The following MN1 variants were observed in gnomAD, a reference collection of about 807,000 sequenced individuals.
MN1 encodes the protein transcriptional activator MN1.
MN1 carries 19 observed loss-of-function variants against 86.9 expected under a neutral mutation model. The observed-to-expected ratio is 0.22, with a 90% CI of 0.15 to 0.32. The LOEUF (loss-of-function observed/expected upper bound fraction) is 0.32, where lower values mean the gene tolerates loss of function less well. MN1 is among the 10% of genes least tolerant of loss of function. The pLI, the probability that MN1 is intolerant of heterozygous loss-of-function variation, is 1.00. For synonymous variants in MN1, 928 were observed against 849.6 expected, an observed-to-expected ratio of 1.09 and a Z score of -1.60; for missense variants, 1,841 against 1,862.0, an observed-to-expected ratio of 0.99 and a Z score of 0.21.
At chr22:27,758,120 G>T in intron 1 of MN1, among the ~76,000 whole-genome samples, 1 of 152,024 alleles carries the variant, frequency 6.6e-6, no homozygotes, top group East Asian at 1.9e-4. Flanking sequence ...CCTCTCTCCT[G>T]CTTGAACCTT....
chr22:27,798,339 A>G lies in MN1; in HGVS notation c.2205T>C (p.Phe735=), dbSNP rs769698488. 5.0e-5 allele frequency: 76 copies of G among 1,514,366 alleles called. 1 individual carries two copies. The South Asian group carries it at 9.0e-4, about 18-fold the overall frequency. 93.8% of individuals were successfully genotyped at this position (1,514,366 alleles called of 1,614,324 possible). Residue 735 remains phenylalanine, a synonymous_variant, in exon 1 of 2, where the codon TTT becomes TTC. Transcript: ENST00000302326. ...GCTGGCCCCCGAGCGCAGACGTAGCAAAGTCCGGCGGCGGGGGCCGGCGCT... is the reference window on the plus strand; with the variant it reads ...GCTGGCCCCCGAGCGCAGACGTAGCGAAGTCCGGCGGCGGGGGCCGGCGCT... ...ASERRPPPPD[F]ATSALGGQPG... is the part of the protein sequence containing the mutation.
At chr22:27,769,238 A>G (rs1275777165) in intron 1 of MN1, among the ~76,000 whole-genome samples, 1 of 152,176 alleles carries the variant, frequency 6.6e-6, no homozygotes, top group African/African-American at 2.4e-5. Flanking sequence ...TCTTGACACA[A>G]TGCTGCAGGT....
rs1164406783 is a variant in MN1, at chr22:27,797,630, G to A, written c.2914C>T (p.Pro972Ser). The stretch of plus-strand genomic sequence containing the variant: ...TGCTGCTGCCCTGGGCTCACCCCAG[G>A]TGCGCCCCCGCTGTCCGGAGCCGCC... ...YSAAPDSGGA[P>S]GVSPGQQQAS... is the part of the protein sequence containing the mutation. Residue 972 changes from proline (P) to serine (S), a missense_variant, in exon 1 of 2, where the codon CCT (proline) becomes TCT (serine). Pro to Ser is a moderately conservative substitution (Grantham distance 74). Transcript: ENST00000302326. 1.3e-6 allele frequency: 2 copies of A among 1,594,494 alleles called. No individual in the cohort carries two copies. Among genetic ancestry groups the A allele is most frequent in the East Asian group, 2.3e-5 (1 of 44,304 alleles).
chr22:27,800,163 G>T lies in MN1; in HGVS notation c.381C>A (p.Cys127Ter). Residue 127 changes from cysteine to a stop codon, truncating the protein, a stop_gained, in exon 1 of 2, where the codon TGC (cysteine) becomes TGA (stop). Coordinates refer to ENST00000302326, the MANE Select transcript of MN1 (RefSeq NM_002430.3). LOFTEE classifies it high-confidence loss of function. ...AGCCGAGCAGGCGACCCCCGTGCAG[G>T]CACGAGGCCCCGGGGTCCGGGCCAC... ...NFGGPDPGASCLHGGRLLGYG... is the reference protein window; with the variant it reads ...NFGGPDPGAS 1 of 1,548,606 alleles carries T rather than the reference G, an allele frequency of 6.5e-7. No individual in the cohort carries two copies.
chr22:27,759,105 G>A (rs1357046368), intron 1 of MN1, among the ~76,000 whole-genome samples: 2 of 152,126 alleles, frequency 1.3e-5, no homozygotes, highest in African/African-American at 2.4e-5. Context: ...TGGGATTATA[G>A]GCATGAGCCA....
chr22:27,783,122 A>T (rs1933076199), intron 1 of MN1, among the ~76,000 whole-genome samples: 1 of 149,530 alleles, frequency 6.7e-6, no homozygotes, highest in African/African-American at 2.5e-5. Flanking sequence ...CAGGGGATGT[A>T]CGTCGTGCTG....
chr22:27,758,357 A>G (rs1056512900), intron 1 of MN1, among the ~76,000 whole-genome samples: 2 of 152,128 alleles, frequency 1.3e-5, no homozygotes, highest in Admixed American at 6.5e-5. Flanking sequence ...CCTGGCTGTC[A>G]GCCCCATGGC....
In MN1 at chr22:27,749,359, G is replaced by A. The variant is rs559592936; in HGVS notation, c.*1556C>T. 7 of 231,864 alleles carry A rather than the reference G, an allele frequency of 3.0e-5. No homozygotes were observed. Among genetic ancestry groups the A allele is most frequent in the South Asian group, 1.8e-4 (1 of 5,494 alleles). The allele number at this position is 231,864 out of a possible 1,614,324, so 14.4% of individuals were successfully genotyped here. A position where few individuals can be genotyped will look rare whatever the true frequency, so the allele number is the denominator to read the frequency against. ...GGGGTGGGGGAGCTCAAAGTGGAGCGTTTTAGTAAGACACGCTCGTTAACA... is the reference window on the plus strand; with the variant it reads ...GGGGTGGGGGAGCTCAAAGTGGAGCATTTTAGTAAGACACGCTCGTTAACA... On this transcript the variant is annotated 3_prime_UTR_variant, in exon 2 of 2. Transcript: ENST00000302326.
chr22:27,797,127 C>A lies in MN1; in HGVS notation c.3417G>T (p.Thr1139=). 6.3e-7 allele frequency: 1 copy of A among 1,580,180 alleles called. No homozygotes were observed. Among genetic ancestry groups the A allele is most frequent in the Non-Finnish European group, 8.6e-7 (1 of 1,165,138 alleles). The change falls in exon 1 of 2, where the codon ACG becomes ACT. Residue 1139 remains threonine, a synonymous_variant. Transcript: ENST00000302326. ...CGGGTGGCGGGGCGCCGCTGCTGCTCGTCGGGGTGCGGACCTGCTCCAGGC... is the reference window on the plus strand; with the variant it reads ...CGGGTGGCGGGGCGCCGCTGCTGCTAGTCGGGGTGCGGACCTGCTCCAGGC... ...TPGLEQVRTP[T]SSSGAPPPDE...
Position 27,800,680 on chromosome 22 carries a change from C to G in MN1, c.-137G>C. 3.3e-6 allele frequency: 4 copies of G among 1,213,886 alleles called. No individual in the cohort carries two copies. The highest frequency in any genetic ancestry group is 3.4e-6 in the Non-Finnish European group (3 of 872,496). The allele number at this position is 1,213,886 out of a possible 1,614,324, so 75.2% of individuals were successfully genotyped here. A position where few individuals can be genotyped will look rare whatever the true frequency, so the allele number is the denominator to read the frequency against. On this transcript the variant is annotated 5_prime_UTR_variant, in exon 1 of 2. Coordinates refer to ENST00000302326, the MANE Select transcript of MN1 (RefSeq NM_002430.3). Reference sequence around the variant, plus strand: ...CACCGCGGGGGCTCAGCGCGCACCTCCACCCCGCCTGATGTGAGGGACGGG... The same window carrying G: ...CACCGCGGGGGCTCAGCGCGCACCTGCACCCCGCCTGATGTGAGGGACGGG...
rs376469878 is a variant in MN1 at position 27,799,045 on chromosome 22, G to A, written c.1499C>T (p.Pro500Leu). Residue 500 changes from proline (P) to leucine (L), a missense_variant, in exon 1 of 2, where the codon CCG (proline) becomes CTG (leucine). Physicochemically the swap from Pro to Leu is moderately conservative, Grantham distance 98 (BLOSUM62 -3). Transcript: ENST00000302326. Reference sequence around the variant, plus strand: ...CGAAGGGAAGCTGTCGGGCACAGGCGGTGTGAACTCGCCGGGTAGGCCTGG... The same window carrying A: ...CGAAGGGAAGCTGTCGGGCACAGGCAGTGTGAACTCGCCGGGTAGGCCTGG... ...AYPGLPGEFT[P>L]PVPDSFPSGP... 12 of 1,611,548 alleles carry A rather than the reference G, an allele frequency of 7.4e-6. No individual in the cohort carries two copies. Among genetic ancestry groups the A allele is most frequent in the Non-Finnish European group, 1.0e-5 (12 of 1,178,930 alleles).
intron 1 of MN1, among the ~76,000 whole-genome samples, chr22:27,751,691 G>A (rs551101859): frequency 6.6e-6 from 1 of 152,260 alleles, no homozygotes; most frequent in African/African-American, 2.4e-5. Flanking sequence ...ACTCAGAGAG[G>A]GAAGATGACT....
rs548499153 is a variant in MN1, at chr22:27,772,801, G to A, written c.3782-21705C>T. On this transcript the variant is annotated intron_variant, in intron 1 of 1. Transcript: ENST00000302326. ...CTAGCAAGACAACACACTCATCAGGGTTTGGTACTTAGCAATTGCTCCATG... is the reference window on the plus strand; with the variant it reads ...CTAGCAAGACAACACACTCATCAGGATTTGGTACTTAGCAATTGCTCCATG... Among the ~76,000 whole-genome samples, 6 of 152,116 alleles carry A rather than the reference G, an allele frequency of 3.9e-5. No homozygotes were observed. The East Asian group carries it at 1.2e-3, about 30-fold the overall frequency.
chr22:27,800,443 A>G lies in MN1; in HGVS notation c.101T>C (p.Phe34Ser). Residue 34 changes from phenylalanine to serine, a missense_variant, in exon 1 of 2, where the codon TTT (phenylalanine) becomes TCT (serine). Coordinates refer to ENST00000302326, the MANE Select transcript of MN1 (RefSeq NM_002430.3). The part of the protein sequence containing the change: ...NETGLSMNTH[F>S]KAPAFHTGGP... The stretch of plus-strand genomic sequence containing the variant: ...CCCAGTGTGGAAAGCCGGGGCCTTA[A>G]AGTGGGTGTTCATGCTCAGTCCGGT... 1 of 1,614,206 alleles carries G rather than the reference A, an allele frequency of 6.2e-7. No individual in the cohort carries two copies. The highest frequency in any genetic ancestry group is 8.5e-7 in the Non-Finnish European group (1 of 1,180,032).
Position 27,749,059 on chromosome 22 carries a change from A to G in MN1, c.*1856T>C, listed in dbSNP as rs1601318372. 8.6e-6 allele frequency: 2 copies of G among 231,844 alleles called. No homozygotes were observed. Among genetic ancestry groups the G allele is most frequent in the Non-Finnish European group, 1.7e-5 (2 of 117,168 alleles). 14.4% of individuals were successfully genotyped at this position (231,844 alleles called of 1,614,324 possible). A position where few individuals can be genotyped will look rare whatever the true frequency, so the allele number is the denominator to read the frequency against. On this transcript the variant is annotated 3_prime_UTR_variant, in exon 2 of 2. Transcript: ENST00000302326. ...CGGCTCACACCTTTCTCGCTGATCAATTCATGCCACCTGCTTTGTCTGCCC... is the reference window on the plus strand; with the variant it reads ...CGGCTCACACCTTTCTCGCTGATCAGTTCATGCCACCTGCTTTGTCTGCCC...
rs756012760 is a variant in MN1, at chr22:27,799,733, G to A, written c.811C>T (p.Pro271Ser). Residue 271 changes from proline (P) to serine (S), a missense_variant, in exon 1 of 2, where the codon CCG (proline) becomes TCG (serine). Pro to Ser is a moderately conservative substitution (Grantham distance 74). Coordinates refer to ENST00000302326, the MANE Select transcript of MN1 (RefSeq NM_002430.3). ...GCTCTGGGCATGGCCGAGGCGCCCGGGAAAGCGCCCCCAGGAACCTGGCGA... is the reference window on the plus strand; with the variant it reads ...GCTCTGGGCATGGCCGAGGCGCCCGAGAAAGCGCCCCCAGGAACCTGGCGA... ...AGRQVPGGAF[P>S]GASAMPRAAG... 21 of 1,579,796 alleles carry A rather than the reference G, an allele frequency of 1.3e-5. No individual in the cohort carries two copies. Among genetic ancestry groups the A allele is most frequent in the Non-Finnish European group, 1.8e-5 (21 of 1,163,428 alleles).
Position 27,799,196 on chromosome 22 carries a change from AG to A in MN1, c.1347del (p.Tyr450ThrfsTer2). On this transcript the variant is annotated frameshift_variant, in exon 1 of 2. Transcript: ENST00000302326. LOFTEE classifies it high-confidence loss of function. ...CGCGGCCTCTTGGCCACGTTCATGT[AG>A]GGGGGCGCGTCGAAATGCTGCAGCC... The part of the protein sequence containing the change: ...NQRLQHFDAP[P>X]YMNVAKRPRF... 1.2e-6 allele frequency: 2 copies of A among 1,605,132 alleles called. No homozygotes were observed. The highest frequency in any genetic ancestry group is 1.7e-6 in the Non-Finnish European group (2 of 1,174,116).
At chr22:27,791,620 T>C (rs1328990335) in intron 1 of MN1, 1 of 152,128 alleles carries the variant, frequency 6.6e-6, no homozygotes, top group African/African-American at 2.4e-5. Context: ...GGTGTTTTTA[T>C]GTTGCGGTGT....
intron 1 of MN1, among the ~76,000 whole-genome samples, chr22:27,783,810 G>A (rs1933085467): frequency 6.6e-6 from 1 of 152,170 alleles, no homozygotes; most frequent in Non-Finnish European, 1.5e-5. Context: ...AATGTCACAG[G>A]GTCTATCACT....
Sources: allele counts gnomAD v4.1 joint callset (sites outside exome capture counted in the v4.1 genomes callset), GRCh38; gene constraint gnomAD v4.1.1; transcripts MANE v1.5; gene names NCBI Gene and HGNC (gene_info 2026-07-23, HGNC 2026-07-21).